Variants in SYPL2 observed in about 807,000 individuals in gnomAD.
SYPL2 encodes synaptophysin-like protein 2.
In SYPL2, 24 loss-of-function variants were observed where a neutral mutation model predicts 31.3. The ratio of observed to expected loss-of-function variants is 0.77; its 90% CI spans 0.56 to 1.08. The LOEUF is 1.08. Among genes scored for constraint, SYPL2 ranks in the 50% least tolerant of loss-of-function variants. The pLI, the probability that SYPL2 is intolerant of heterozygous loss-of-function variation, is 0.00. For synonymous variants in SYPL2, 144 were observed against 143.1 expected, an observed-to-expected ratio of 1.01 and a Z score of -0.05; for missense variants, 342 against 360.1, an observed-to-expected ratio of 0.95 and a Z score of 0.41.
intron 2 of SYPL2, among the ~76,000 whole-genome samples, chr1:109,470,099 C>A (rs1259290810): frequency 6.6e-6 from 1 of 152,086 alleles, no homozygotes; most frequent in Non-Finnish European, 1.5e-5. Flanking sequence ...GCAATCCTCC[C>A]ACCTCAGCCT....
chr1:109,470,843 T>A (rs1281185524), intron 2 of SYPL2, among the ~76,000 whole-genome samples: 1 of 152,196 alleles, frequency 6.6e-6, no homozygotes, highest in Non-Finnish European at 1.5e-5. Flanking sequence ...CTCCTTGTAA[T>A]CCTCAATGCA....
intron 2 of SYPL2, among the ~76,000 whole-genome samples, chr1:109,472,605 CTTTTTT>C (rs59224604): frequency 2.1e-4 from 15 of 71,074 alleles, no homozygotes; most frequent in African/African-American, 7.9e-4. Flanking sequence ...TTTTTCTTTA[CTTTTTT>C]TTTTTTTTTT....
In SYPL2 at chr1:109,481,171, T is replaced by C. The variant is rs1300604612; in HGVS notation, c.*1623T>C. 2 of 152,668 alleles carry C rather than the reference T, an allele frequency of 1.3e-5. No individual in the cohort carries two copies. The highest frequency in any genetic ancestry group is 2.9e-5 in the Non-Finnish European group (2 of 68,054). The allele number at this position is 152,668 out of a possible 1,614,324, so 9.5% of individuals were successfully genotyped here. On this transcript the variant is annotated 3_prime_UTR_variant, in exon 6 of 6. Coordinates refer to ENST00000369872, the MANE Select transcript of SYPL2 (RefSeq NM_001040709.2). The stretch of plus-strand genomic sequence containing the variant: ...GTCAGGACTTTTGACTTCAGGCCAG[T>C]CATTTCCTCCCGATGGGGAAAGGGT...
intron 2 of SYPL2, among the ~76,000 whole-genome samples, chr1:109,470,520 G>A (rs1261862748): frequency 6.6e-6 from 1 of 152,228 alleles, no homozygotes; most frequent in African/African-American, 2.4e-5. Flanking sequence ...AATGACCGTC[G>A]CTGTCCCAGC....
intron 2 of SYPL2, 118 bp from the exon 3 acceptor site, chr1:109,475,463 A>G (rs1655965520): frequency 1.5e-6 from 2 of 1,372,904 alleles, no homozygotes; most frequent in Non-Finnish European, 2.0e-6. Flanking sequence ...ATTAAAGGGG[A>G]TCCTCACTCT....
Position 109,477,997 on chromosome 1 carries a change from C to T in SYPL2, c.636C>T (p.Ala212=). The T allele has an allele frequency of 6.2e-7, 1 of 1,614,164 alleles. No individual in the cohort carries two copies. The highest frequency in any genetic ancestry group is 8.5e-7 in the Non-Finnish European group (1 of 1,180,032). The change falls in exon 5 of 6, where the codon GCC becomes GCT. Residue 212 remains alanine, a synonymous_variant. Transcript: ENST00000369872. ...SAGATPSMGL[A]NISVLFGFIN... is the part of the protein sequence containing the mutation. The stretch of plus-strand genomic sequence containing the variant: ...GGGCCACGCCCTCTATGGGCCTGGC[C>T]AACATCTCCGTGGTGAGACCTGTGG...
Position 109,477,985 on chromosome 1 carries a change from T to C in SYPL2, c.624T>C (p.Ser208=), listed in dbSNP as rs200015715. 3.7e-6 allele frequency: 6 copies of C among 1,614,198 alleles called. No homozygotes were observed. The East Asian group carries it at 1.1e-4, about 30-fold the overall frequency. Residue 208 remains serine, a synonymous_variant, in exon 5 of 6, where the codon TCT becomes TCC. Transcript: ENST00000369872. ...TGTGCAGTGCCGGGGCCACGCCCTC[T>C]ATGGGCCTGGCCAACATCTCCGTGG... ...EAVCSAGATP[S]MGLANISVLF...
At chr1:109,469,565 A>T (rs200580388) in intron 2 of SYPL2, among the ~76,000 whole-genome samples, 1 of 17,498 alleles carries the variant, frequency 5.7e-5, no homozygotes, top group African/African-American at 1.2e-4. Flanking sequence ...GAAGTATCTT[A>T]AAAAAAATTT....
chr1:109,479,333 ATGACCCCC>A (rs997650984), intron 5 of SYPL2, 37 bp from the exon 6 acceptor site: 1 of 1,601,088 alleles, frequency 6.2e-7, no homozygotes, highest in Non-Finnish European at 8.5e-7. Flanking sequence ...TGTTCCCACA[ATGACCCCC>A]TGACTATTCT....
At chr1:109,474,113 T>G (rs956175565) in intron 2 of SYPL2, among the ~76,000 whole-genome samples, 5 of 152,190 alleles carry the variant, frequency 3.3e-5, no homozygotes, top group African/African-American at 1.2e-4. Flanking sequence ...AGATCAGCTG[T>G]CTTCCAAGTG....
At chr1:109,471,222 C>T (rs1168575757) in intron 2 of SYPL2, among the ~76,000 whole-genome samples, 1 of 152,174 alleles carries the variant, frequency 6.6e-6, no homozygotes, top group African/African-American at 2.4e-5. Flanking sequence ...CCCTTTTGTT[C>T]TGCTGTTCTG....
intron 3 of SYPL2, among the ~76,000 whole-genome samples, 159 bp from the exon 4 acceptor site, chr1:109,476,617 C>T (rs908773235): frequency 1.3e-5 from 2 of 152,108 alleles, no homozygotes; most frequent in African/African-American, 2.4e-5. Flanking sequence ...GGGGAGTTCC[C>T]ATCTTAACTG....
intron 2 of SYPL2, 46 bp downstream of exon 2, chr1:109,467,179 T>G: frequency 5.3e-6 from 8 of 1,499,822 alleles, no homozygotes; most frequent in African/African-American, 1.4e-5. Flanking sequence ...GCCTGGGCTG[T>G]GACGCTGACC....
At position 109,476,770 on chromosome 1, in the gene SYPL2, C is replaced by T; in HGVS notation, c.255-6C>T. On this transcript the variant is annotated splice_region_variant and splice_polypyrimidine_tract_variant and intron_variant, in intron 3 of 5. Transcript: ENST00000369872. ...AGCTCAGGATGGCCTCCCCTGCCAC[C>T]TGCAGGTTGCACCGGATCCAATATG... 6.2e-7 allele frequency: 1 copy of T among 1,613,812 alleles called. No homozygotes were observed. The highest frequency in any genetic ancestry group is 8.5e-7 in the Non-Finnish European group (1 of 1,179,926).
rs1042094526 is a variant in SYPL2, at chr1:109,476,774, A to G, written c.255-2A>G. The G allele has an allele frequency of 6.2e-7, 1 of 1,613,906 alleles. No homozygotes were observed. The highest frequency in any genetic ancestry group is 1.7e-5 in the Admixed American group (1 of 59,996). On this transcript the variant is annotated splice_acceptor_variant, in intron 3 of 5. Coordinates refer to ENST00000369872, the MANE Select transcript of SYPL2 (RefSeq NM_001040709.2). LOFTEE classifies it high-confidence loss of function. The stretch of plus-strand genomic sequence containing the variant: ...CAGGATGGCCTCCCCTGCCACCTGC[A>G]GGTTGCACCGGATCCAATATGAGAT...
At chr1:109,475,305 G>A in intron 2 of SYPL2, 2 of 299,676 alleles carry the variant, frequency 6.7e-6, no homozygotes, top group Non-Finnish European at 1.2e-5. Flanking sequence ...ATGCCCAATG[G>A]AGAGATCTGG....
chr1:109,478,651 C>G lies in SYPL2; in HGVS notation c.648+642C>G, dbSNP rs991284139. ...TTTAATGGCTGGCACACCAGGAACA[C>G]ACGTCTGGAACTTGCTGGAACCCTG... On this transcript the variant is annotated intron_variant, in intron 5 of 5. Transcript: ENST00000369872. This position sits in a 1 kb window ranked among gnomAD's most constrained non-coding sequence, Gnocchi z 4.0. Among the ~76,000 whole-genome samples the G allele has an allele frequency of 3.9e-5, 6 of 152,182 alleles. No individual in the cohort carries two copies. Among genetic ancestry groups the G allele is most frequent in the African/African-American group, 1.4e-4 (6 of 41,442 alleles).
At position 109,481,638 on chromosome 1, in the gene SYPL2, C is replaced by T. The variant is rs1046642124; in HGVS notation, c.*2090C>T. On this transcript the variant is annotated 3_prime_UTR_variant, in exon 6 of 6. Transcript: ENST00000369872. The stretch of plus-strand genomic sequence containing the variant: ...TTCACTCCTGCCAAGGACTCCCAGC[C>T]CAGGACTCTCTTTAGAGCAAGGAAG... 1.3e-5 allele frequency: 2 copies of T among 151,806 alleles called. No individual in the cohort carries two copies. Among genetic ancestry groups the T allele is most frequent in the African/African-American group, 4.8e-5 (2 of 41,404 alleles). The allele number at this position is 151,806 out of a possible 1,614,324, so 9.4% of individuals were successfully genotyped here. A position where few individuals can be genotyped will look rare whatever the true frequency, so the allele number is the denominator to read the frequency against.
At chr1:109,467,355 T>C (rs908232634) in intron 2 of SYPL2, among the ~76,000 whole-genome samples, 25 of 151,698 alleles carry the variant, frequency 1.6e-4, no homozygotes, top group Non-Finnish European at 3.4e-4. Context: ...CCGGATTCGG[T>C]CCTTCTATGT....
Sources: allele counts gnomAD v4.1 joint callset (sites outside exome capture counted in the v4.1 genomes callset), GRCh38; gene constraint gnomAD v4.1.1; non-coding constraint Gnocchi (gnomAD v3.1); transcripts MANE v1.5; gene names NCBI Gene and HGNC (gene_info 2026-07-23, HGNC 2026-07-21).